SPARCL1: variants seen among roughly 807,000 people sequenced by gnomAD.
The protein encoded by SPARCL1 is SPARC-like protein 1.
A neutral mutation model predicts 67.1 loss-of-function variants in SPARCL1; 52 were observed. That is an observed-to-expected ratio of 0.78 (90% CI 0.62 to 0.98). The LOEUF (loss-of-function observed/expected upper bound fraction) is 0.98. Among genes scored for constraint, SPARCL1 ranks in the 50% least tolerant of loss-of-function variants. The pLI is 0.00. For synonymous variants in SPARCL1, 226 were observed against 267.8 expected, an observed-to-expected ratio of 0.84 and a Z score of 1.52; for missense variants, 717 against 782.4, an observed-to-expected ratio of 0.92 and a Z score of 1.00.
At position 87,495,103 on chromosome 4, in the gene SPARCL1, G is replaced by C. The variant is rs1420075002; in HGVS notation, c.79C>G (p.His27Asp). 1 of 1,609,266 alleles carries C rather than the reference G, an allele frequency of 6.2e-7. No homozygotes were observed. Among genetic ancestry groups the C allele is most frequent in the South Asian group, 1.1e-5 (1 of 89,376 alleles). The part of the protein sequence containing the change: ...IPTNARLLSD[H>D]SKPTAETVAP... The stretch of plus-strand genomic sequence containing the variant: ...ACCGTTTCAGCAGTTGGTTTGGAAT[G>C]ATCAGATAATAATCTTGCATTTGTC... Residue 27 changes from histidine (H) to aspartate (D), a missense_variant, in exon 3 of 11, where the codon CAT becomes GAT. Physicochemically the swap from His to Asp is moderately conservative, Grantham distance 81. Coordinates refer to ENST00000282470, the MANE Select transcript of SPARCL1 (RefSeq NM_004684.6).
chr4:87,485,468 C>A (rs559648515), intron 7 of SPARCL1, among the ~76,000 whole-genome samples: 2 of 151,438 alleles, frequency 1.3e-5, no homozygotes, highest in African/African-American at 4.8e-5. Flanking sequence ...TTTGGTTTGC[C>A]AGTATTTTAT....
At chr4:87,477,599 A>G (rs1723632015) in intron 10 of SPARCL1, among the ~76,000 whole-genome samples, 1 of 152,228 alleles carries the variant, frequency 6.6e-6, no homozygotes, top group South Asian at 2.1e-4. Flanking sequence ...TCCAGATACC[A>G]TGCTGTGGGC....
chr4:87,500,799 TACGCGC>T (rs1560822119), intron 1 of SPARCL1, among the ~76,000 whole-genome samples: 33 of 104,746 alleles, frequency 3.2e-4, no homozygotes, highest in African/African-American at 1.7e-3. Context: ...CGCACGCACA[TACGCGC>T]GCACGCACAC....
At chr4:87,517,721 G>A (rs931348617) in intron 1 of SPARCL1, among the ~76,000 whole-genome samples, 3 of 152,166 alleles carry the variant, frequency 2.0e-5, no homozygotes, top group Non-Finnish European at 4.4e-5. Flanking sequence ...TGCTAACAGA[G>A]TAAGTCAGTT....
chr4:87,496,354 C>T (rs1245559274), intron 2 of SPARCL1, among the ~76,000 whole-genome samples: 1 of 152,114 alleles, frequency 6.6e-6, no homozygotes, highest in African/African-American at 2.4e-5. Flanking sequence ...TCCCCAGTAA[C>T]TGGGACTATA....
chr4:87,486,197 G>A (rs935109977), intron 7 of SPARCL1, among the ~76,000 whole-genome samples: 1 of 152,162 alleles, frequency 6.6e-6, no homozygotes, highest in South Asian at 2.1e-4. Flanking sequence ...TCTCTTATGG[G>A]CATTTGGTGG....
chr4:87,499,515 A>ATT lies in SPARCL1; in HGVS notation c.54+4_54+5dup. ...GAGATGTAATAACAGAAGAAAGGAA[A>ATT]TTTACCGGGATTGCAGCTGCAGTTC... On this transcript the variant is annotated splice_donor_region_variant and intron_variant, in intron 2 of 10. Transcript: ENST00000282470. 6.2e-7 allele frequency: 1 copy of ATT among 1,602,986 alleles called. No homozygotes were observed. The highest frequency in any genetic ancestry group is 8.5e-7 in the Non-Finnish European group (1 of 1,176,126).
rs919995506 is a variant in SPARCL1 at position 87,494,232 on chromosome 4, T to C, written c.568A>G (p.Asn190Asp). The C allele has an allele frequency of 5.0e-6, 8 of 1,614,068 alleles. No individual in the cohort carries two copies. The highest frequency in any genetic ancestry group is 1.7e-5 in the Admixed American group (1 of 60,006). The change falls in exon 4 of 11, where the codon AAC (asparagine) becomes GAC (aspartate). Residue 190 changes from asparagine to aspartate, a missense_variant. Physicochemically the swap from Asn to Asp is conservative, Grantham distance 23. Coordinates refer to ENST00000282470, the MANE Select transcript of SPARCL1 (RefSeq NM_004684.6). The part of the protein sequence containing the change: ...KHSQGLRDQG[N>D]QEQDPNISNG... ...GAAATATTTGGATCCTGCTCTTGGT[T>C]TCCTTGATCCCTTAGGCCTTGGCTA...
chr4:87,496,497 G>A (rs1724625871), intron 2 of SPARCL1, among the ~76,000 whole-genome samples: 1 of 152,052 alleles, frequency 6.6e-6, no homozygotes, highest in South Asian at 2.1e-4. Flanking sequence ...GGGATTACAG[G>A]TGTGAGCCAC....
intron 7 of SPARCL1, among the ~76,000 whole-genome samples, chr4:87,485,988 C>T (rs529616069): frequency 1.9e-3 from 293 of 151,980 alleles, no homozygotes; most frequent in Non-Finnish European, 2.9e-3. Flanking sequence ...AGCTGTCTAT[C>T]TATTTTGTTA....
chr4:87,513,878 C>T (rs1177899177), intron 1 of SPARCL1, among the ~76,000 whole-genome samples: 1 of 152,156 alleles, frequency 6.6e-6, no homozygotes, highest in Admixed American at 6.5e-5. Flanking sequence ...TGCATCTAAA[C>T]CATACCGAGG....
chr4:87,502,588 T>C (rs1218283388), intron 1 of SPARCL1, among the ~76,000 whole-genome samples: 2 of 152,252 alleles, frequency 1.3e-5, no homozygotes, highest in East Asian at 3.8e-4. Flanking sequence ...GTGTGACATA[T>C]GTTCTTGTCT....
intron 6 of SPARCL1, 74 bp downstream of exon 6, chr4:87,490,686 T>C (rs1472129599): frequency 1.9e-6 from 2 of 1,079,768 alleles, no homozygotes. Flanking sequence ...AAGCAAAAAT[T>C]TCAATGGCAA....
rs1724494296 is a variant in SPARCL1 at position 87,494,058 on chromosome 4, C to G, written c.742G>C (p.Asp248His). The change falls in exon 4 of 11, where the codon GAT (aspartate) becomes CAT (histidine). Residue 248 changes from aspartate to histidine, a missense_variant. By Grantham distance (81) the Asp-to-His change is moderately conservative (BLOSUM62 -1). Transcript: ENST00000282470. ...ATCTTGCTTACTTGAGTTGGTTGAT[C>G]AGACTCTTCCAAAATATCATCAGAT... is the stretch of plus-strand genomic sequence containing the variant. ...TQSDDILEES[D>H]QPTQVSKMQE... 4 of 1,613,968 alleles carry G rather than the reference C, an allele frequency of 2.5e-6. No homozygotes were observed. Among genetic ancestry groups the G allele is most frequent in the African/African-American group, 1.3e-5 (1 of 74,918 alleles).
chr4:87,499,477 A>G (rs377499812), intron 2 of SPARCL1, 44 bp downstream of exon 2: 16 of 1,465,908 alleles, frequency 1.1e-5, no homozygotes, highest in Non-Finnish European at 1.4e-5. Context: ...TCTGCATTAA[A>G]TGTCAGGAGA....
chr4:87,511,805 T>C (rs1048036020), intron 1 of SPARCL1, among the ~76,000 whole-genome samples: 6 of 151,626 alleles, frequency 4.0e-5, no homozygotes, highest in Non-Finnish European at 8.8e-5. Context: ...GAACAGGCAG[T>C]GATGAAGTGA....
At chr4:87,508,980 G>A (rs1052193097) in intron 1 of SPARCL1, among the ~76,000 whole-genome samples, 3 of 147,204 alleles carry the variant, frequency 2.0e-5, no homozygotes, top group African/African-American at 7.4e-5. Flanking sequence ...AGGGCTAAAT[G>A]TATACTATAT....
chr4:87,484,064 T>C (rs1002896412), intron 7 of SPARCL1, among the ~76,000 whole-genome samples: 1 of 152,230 alleles, frequency 6.6e-6, no homozygotes, highest in Non-Finnish European at 1.5e-5. Context: ...TTTCTTTTGC[T>C]GTGCAGAAGC....
intron 1 of SPARCL1, among the ~76,000 whole-genome samples, chr4:87,515,689 G>A (rs1725552900): frequency 6.6e-6 from 1 of 152,116 alleles, no homozygotes; most frequent in African/African-American, 2.4e-5. Flanking sequence ...ATTTTATAGA[G>A]AACATCCAGC....
Sources: gnomAD v4.1 joint callset for allele counts (sites outside exome capture counted in the v4.1 genomes callset) on GRCh38, gnomAD v4.1.1 for gene constraint, MANE v1.5 for transcripts, NCBI Gene and HGNC (gene_info 2026-07-23, HGNC 2026-07-21) for gene names.